COL4A6: variants seen among roughly 807,000 people sequenced by gnomAD.
The protein encoded by COL4A6 is collagen alpha-6(IV) chain.
In COL4A6, 59 loss-of-function variants were observed where a neutral mutation model predicts 126.7. The observed-to-expected ratio is 0.47, with a 90% CI of 0.38 to 0.58. COL4A6 has a LOEUF of 0.58. Ranked by LOEUF, COL4A6 falls within the 20% of genes least tolerant of loss-of-function variation. The probability of loss-of-function intolerance (pLI) is 0.00; values close to 1 mark genes in which losing one functional copy is unlikely to be tolerated. For missense variants in COL4A6, 1,285 were observed against 1,337.3 expected, an observed-to-expected ratio of 0.96 and a Z score of 0.61; for synonymous variants, 547 against 496.6, an observed-to-expected ratio of 1.10 and a Z score of -1.35.
chrX:108,321,469 C>T (rs1002576061), intron 2 of COL4A6, among the ~76,000 whole-genome samples: 1 of 111,050 alleles, frequency 9.0e-6, no homozygotes, highest in Non-Finnish European at 1.9e-5. Context: ...TTTGGGGGTA[C>T]TTTTTATCAA....
chrX:108,188,465 G>A (rs1379196785), intron 21 of COL4A6, 52 bp downstream of exon 21: 25 of 1,039,413 alleles, frequency 2.4e-5, no homozygotes, highest in African/African-American at 3.9e-5. Flanking sequence ...GGATTGAAGG[G>A]CACTTGAAAG....
At chrX:108,251,018 C>T (rs891392054) in intron 3 of COL4A6, among the ~76,000 whole-genome samples, 4 of 110,977 alleles carry the variant, frequency 3.6e-5, no homozygotes, top group African/African-American at 1.3e-4. Context: ...CCAGGCAAAC[C>T]AAGAAATAAG....
At chrX:108,312,300 A>G (rs1183695593) in intron 2 of COL4A6, among the ~76,000 whole-genome samples, 1 of 112,116 alleles carries the variant, frequency 8.9e-6, no homozygotes, top group Non-Finnish European at 1.9e-5. Flanking sequence ...CTTTATCATC[A>G]CAACACCTTG....
Position 108,255,949 on chromosome X carries a change from G to A in COL4A6, c.145-34575C>T, listed in dbSNP as rs145461388. On this transcript the variant is annotated intron_variant, in intron 3 of 44. Coordinates refer to ENST00000334504, the MANE Select transcript of COL4A6 (RefSeq NM_033641.4). ...GGGGCATTTCTTCAAGAGGTGGTAC[G>A]TAAAGTATACTAGCCAGGGAGACAG... Among the ~76,000 whole-genome samples, 63 of 111,174 alleles carry A rather than the reference G, an allele frequency of 5.7e-4. 3 individuals carry two copies. In the East Asian group the frequency reaches 7.8e-3, roughly 14 times the overall value.
Position 108,293,049 on chromosome X carries a change from C to G in COL4A6, c.144+17699G>C, listed in dbSNP as rs1319320418. Reference sequence around the variant, plus strand: ...GATTTCCACTTCAATAATTGTCTAGCAAAACAGCAAGCCAGCTTTATTGCC... The same window carrying G: ...GATTTCCACTTCAATAATTGTCTAGGAAAACAGCAAGCCAGCTTTATTGCC... On this transcript the variant is annotated intron_variant, in intron 3 of 44. Transcript: ENST00000334504. 3.9e-5 allele frequency among the ~76,000 whole-genome samples: 3 copies of G among 77,088 alleles called. No homozygotes were observed. In the Admixed American group the frequency reaches 4.8e-4, roughly 12 times the overall value. 66.9% of individuals were successfully genotyped at this position (77,088 alleles called of 115,157 possible).
intron 2 of COL4A6, among the ~76,000 whole-genome samples, chrX:108,328,088 T>C (rs1603097171): frequency 8.9e-6 from 1 of 111,854 alleles, no homozygotes; most frequent in African/African-American, 3.3e-5. Context: ...CATTCTGCCT[T>C]TCCTAAATGA....
At chrX:108,361,357 A>G (rs1466164213) in intron 2 of COL4A6, among the ~76,000 whole-genome samples, 1 of 111,703 alleles carries the variant, frequency 9.0e-6, no homozygotes, top group Non-Finnish European at 1.9e-5. Context: ...TAGGGAGGGA[A>G]GCTATGAAAA....
chrX:108,249,019 G>T (rs1184957853), intron 3 of COL4A6, among the ~76,000 whole-genome samples: 1 of 109,875 alleles, frequency 9.1e-6, no homozygotes, highest in Non-Finnish European at 1.9e-5. Context: ...CCATCTAGTT[G>T]CAGGAAAAGC....
At position 108,351,472 on chromosome X, in the gene COL4A6, GTGTGTA is replaced by G. The variant is rs769040698; in HGVS notation, c.64-40650_64-40645del. ...TGTGTGTGTGTGTGTGTGTGTGTGT[GTGTGTA>G]TGTGTGTATGCCTGTGTATATCTAT... On this transcript the variant is annotated intron_variant, in intron 2 of 44. Transcript: ENST00000334504. Among the ~76,000 whole-genome samples the G allele has an allele frequency of 8.5e-4, 94 of 109,958 alleles. 3 individuals are homozygous for G. In the East Asian group the frequency reaches 0.026, roughly 31 times the overall value.
chrX:108,272,047 G>C, intron 3 of COL4A6, among the ~76,000 whole-genome samples: 1 of 111,148 alleles, frequency 9.0e-6, no homozygotes, highest in Admixed American at 9.6e-5. Context: ...TGCAACCCCT[G>C]TCATCTTTCA....
At chrX:108,432,563 C>T (rs999824722) in intron 2 of COL4A6, among the ~76,000 whole-genome samples, 54 of 112,088 alleles carry the variant, frequency 4.8e-4, no homozygotes, top group African/African-American at 1.7e-3. Flanking sequence ...AGGCCGGGTG[C>T]GGTGGCTCAC....
At chrX:108,233,103 A>T (rs1177034614) in intron 3 of COL4A6, among the ~76,000 whole-genome samples, 1 of 112,335 alleles carries the variant, frequency 8.9e-6, no homozygotes, top group Non-Finnish European at 1.9e-5. Flanking sequence ...CGGTTTATTT[A>T]AAAATACATG....
At chrX:108,240,352 T>C (rs2036540534) in intron 3 of COL4A6, among the ~76,000 whole-genome samples, 1 of 112,478 alleles carries the variant, frequency 8.9e-6, no homozygotes, top group African/African-American at 3.2e-5. Flanking sequence ...ATTAACGTTG[T>C]ATATCCCACC....
chrX:108,388,031 T>C (rs1301902543), intron 2 of COL4A6, among the ~76,000 whole-genome samples: 1 of 112,226 alleles, frequency 8.9e-6, no homozygotes, highest in African/African-American at 3.2e-5. Flanking sequence ...TTGATTTGTG[T>C]ATGTTGAACC....
At chrX:108,366,318 A>G (rs759106392) in intron 2 of COL4A6, among the ~76,000 whole-genome samples, 10 of 111,910 alleles carry the variant, frequency 8.9e-5, no homozygotes, top group Non-Finnish European at 1.9e-4. Context: ...AGGCGGTACC[A>G]AAACCAATTT....
chrX:108,244,733 TC>T (rs1386337354), intron 3 of COL4A6, among the ~76,000 whole-genome samples: 3 of 111,731 alleles, frequency 2.7e-5, no homozygotes, highest in African/African-American at 9.8e-5. Context: ...AACCACCACT[TC>T]TTTCCCAGAT....
Position 108,437,925 on chromosome X carries a change from C to A in COL4A6, c.63+17G>T, listed in dbSNP as rs1246095037. The A allele has an allele frequency of 2.5e-6, 3 of 1,210,038 alleles. No homozygotes were observed. Among genetic ancestry groups the A allele is most frequent in the Admixed American group, 4.4e-5 (2 of 45,970 alleles). ...TCAAAGGAGGGGGACGGAAAAGGGT[C>A]GTGAGAAGAGACTCACCGCTGCTGC... On this transcript the variant is annotated intron_variant, in intron 2 of 44. Transcript: ENST00000334504.
At chrX:108,220,735 A>G (rs1478278246) in intron 4 of COL4A6, among the ~76,000 whole-genome samples, 1 of 112,380 alleles carries the variant, frequency 8.9e-6, no homozygotes, top group African/African-American at 3.2e-5. Context: ...TAATACATTT[A>G]CTTTATGGTG....
intron 3 of COL4A6, among the ~76,000 whole-genome samples, chrX:108,232,692 G>A (rs992911206): frequency 9.0e-6 from 1 of 111,577 alleles, no homozygotes; most frequent in Non-Finnish European, 1.9e-5. Context: ...CTAGCTGTAT[G>A]ATATTGAAAA....
Sources: gnomAD v4.1 joint callset for allele counts (sites outside exome capture counted in the v4.1 genomes callset) on GRCh38, gnomAD v4.1.1 for gene constraint, MANE v1.5 for transcripts, NCBI Gene and HGNC (gene_info 2026-07-23, HGNC 2026-07-21) for gene names.